The following TMTC2 variants were observed in gnomAD, a reference collection of about 807,000 sequenced individuals.
TMTC2 encodes protein O-mannosyl-transferase TMTC2.
Under a neutral mutation model 82.4 loss-of-function variants are expected in TMTC2, and 43 were observed. That is an observed-to-expected ratio of 0.52 (90% CI 0.41 to 0.67). The LOEUF (loss-of-function observed/expected upper bound fraction) is 0.67. TMTC2 is among the 30% of genes least tolerant of loss of function. The pLI is 0.00. For synonymous variants in TMTC2, 408 were observed against 381.9 expected, an observed-to-expected ratio of 1.07 and a Z score of -0.80; for missense variants, 919 against 1,012.4, an observed-to-expected ratio of 0.91 and a Z score of 1.25.
At chr12:82,809,306 T>A (rs1183202648) in intron 1 of TMTC2, among the ~76,000 whole-genome samples, 3 of 152,024 alleles carry the variant, frequency 2.0e-5, no homozygotes, top group Non-Finnish European at 4.4e-5. Context: ...GATCTTGCAT[T>A]GCATGTGATT....
At chr12:83,069,549 A>AT (rs1266138989) in intron 11 of TMTC2, among the ~76,000 whole-genome samples, 7 of 151,464 alleles carry the variant, frequency 4.6e-5, no homozygotes, top group Non-Finnish European at 1.5e-5. Context: ...GGATTGTTTG[A>AT]TTTTTTCTTA....
At chr12:82,694,424 A>G (rs1259007836) in intron 1 of TMTC2, among the ~76,000 whole-genome samples, 1 of 152,202 alleles carries the variant, frequency 6.6e-6, no homozygotes, top group Non-Finnish European at 1.5e-5. Flanking sequence ...CCTGTACCAC[A>G]TTGCTTGAGG....
intron 3 of TMTC2, among the ~76,000 whole-genome samples, chr12:82,907,016 T>C (rs1379305811): frequency 6.6e-6 from 1 of 152,238 alleles, no homozygotes; most frequent in African/African-American, 2.4e-5. Flanking sequence ...AGGTATCTCA[T>C]TGGCTGAACT....
intron 1 of TMTC2, among the ~76,000 whole-genome samples, chr12:82,769,252 C>A (rs1016949851): frequency 8.6e-5 from 13 of 151,902 alleles, no homozygotes; most frequent in African/African-American, 3.1e-4. Context: ...GCGGGTGAAA[C>A]ACCTTAGGTC....
chr12:82,972,848 G>C (rs1878509801), intron 7 of TMTC2, among the ~76,000 whole-genome samples: 1 of 152,122 alleles, frequency 6.6e-6, no homozygotes, highest in African/African-American at 2.4e-5. Context: ...TGTGTGGCTT[G>C]TGTTTAACTG....
In TMTC2 at chr12:83,090,683, A is replaced by G. The variant is rs535907645; in HGVS notation, c.2331+28852A>G. On this transcript the variant is annotated intron_variant, in intron 11 of 11. Coordinates refer to ENST00000321196, the MANE Select transcript of TMTC2 (RefSeq NM_152588.3). ...CATTGCCTTTGTATTGGCCCTTTCC[A>G]TGCTCCTACCATTGCACAGTTGCCT... 1.1e-4 allele frequency among the ~76,000 whole-genome samples: 17 copies of G among 152,042 alleles called. No individual in the cohort carries two copies. In the South Asian group the frequency reaches 3.3e-3, roughly 30 times the overall value.
At chr12:83,014,580 C>T (rs910813154) in intron 8 of TMTC2, among the ~76,000 whole-genome samples, 3 of 152,162 alleles carry the variant, frequency 2.0e-5, no homozygotes, top group Non-Finnish European at 4.4e-5. Context: ...TTCAAGTGAT[C>T]TGCCCCTCTC....
chr12:82,891,139 C>G (rs903018840), intron 2 of TMTC2, among the ~76,000 whole-genome samples: 2 of 152,096 alleles, frequency 1.3e-5, no homozygotes, highest in Non-Finnish European at 2.9e-5. Flanking sequence ...TAAAAATTTG[C>G]TAATTTGATT....
rs532281863 is a variant in TMTC2 at position 82,940,125 on chromosome 12, AT to A, written c.1598+9582del. 7.0e-5 allele frequency among the ~76,000 whole-genome samples: 10 copies of A among 142,682 alleles called. No homozygotes were observed. The South Asian group carries it at 2.2e-3, about 31-fold the overall frequency. 93.6% of individuals were successfully genotyped at this position (142,682 alleles called of 152,430 possible). ...AACCTCCGCCTCCCGCGTTCAAGCC[AT>A]TCTGCCTCAGCCTCCGGAGTAGCTG... On this transcript the variant is annotated intron_variant, in intron 4 of 11. Coordinates refer to ENST00000321196, the MANE Select transcript of TMTC2 (RefSeq NM_152588.3).
chr12:82,725,460 T>C (rs1874403438), intron 1 of TMTC2, among the ~76,000 whole-genome samples: 1 of 152,246 alleles, frequency 6.6e-6, no homozygotes, highest in Non-Finnish European at 1.5e-5. Context: ...ACAAGATTCT[T>C]ATTTCCATTA....
chr12:82,987,564 G>A (rs1245196716), intron 8 of TMTC2, among the ~76,000 whole-genome samples: 4 of 151,908 alleles, frequency 2.6e-5, no homozygotes, highest in Admixed American at 2.6e-4. Context: ...TGAGTAGTAA[G>A]AGAAGTTCCT....
At chr12:83,053,397 C>G (rs2137460392) in intron 10 of TMTC2, among the ~76,000 whole-genome samples, 1 of 152,022 alleles carries the variant, frequency 6.6e-6, no homozygotes, top group East Asian at 1.9e-4. Context: ...TATCCCAAAT[C>G]AGCAATTTAG....
Position 82,936,731 on chromosome 12 carries a change from A to G in TMTC2, c.1598+6186A>G, listed in dbSNP as rs184784563. Among the ~76,000 whole-genome samples, 209 of 152,306 alleles carry G rather than the reference A, an allele frequency of 1.4e-3. 1 individual carries two copies. Among genetic ancestry groups the G allele is most frequent in the African/African-American group, 4.8e-3 (201 of 41,578 alleles). On this transcript the variant is annotated intron_variant, in intron 4 of 11. Transcript: ENST00000321196. ...AAACTAGGAATAAATAAATAATTCTATATCATAATAAATATCTGTCAAAAG... is the reference window on the plus strand; with the variant it reads ...AAACTAGGAATAAATAAATAATTCTGTATCATAATAAATATCTGTCAAAAG...
intron 8 of TMTC2, among the ~76,000 whole-genome samples, chr12:83,010,005 G>A (rs1880383823): frequency 6.6e-6 from 1 of 152,120 alleles, no homozygotes; most frequent in Non-Finnish European, 1.5e-5. Context: ...TGTGAGTGAT[G>A]GGGAGCAGCT....
chr12:82,924,397 CT>C (rs982778669), intron 3 of TMTC2, among the ~76,000 whole-genome samples: 15 of 152,012 alleles, frequency 9.9e-5, no homozygotes, highest in African/African-American at 3.6e-4. Flanking sequence ...TGACGTTTTC[CT>C]TTTTTTGTGT....
In TMTC2 at chr12:82,687,514, T is replaced by C. The variant is rs1872373808; in HGVS notation, c.-73T>C. The C allele has an allele frequency of 7.0e-7, 1 of 1,426,014 alleles. No homozygotes were observed. Among genetic ancestry groups the C allele is most frequent in the Non-Finnish European group, 9.7e-7 (1 of 1,031,698 alleles). 88.3% of individuals were successfully genotyped at this position (1,426,014 alleles called of 1,614,324 possible). On this transcript the variant is annotated 5_prime_UTR_variant, in exon 1 of 12. Transcript: ENST00000321196. ...AGGAGAAGGCGGCGGAAGGTGGAGA[T>C]TGATGCTTCTGTTTTTTGTTGCCGC...
intron 3 of TMTC2, among the ~76,000 whole-genome samples, chr12:82,899,937 G>A (rs1002536215): frequency 2.5e-4 from 32 of 130,376 alleles, no homozygotes; most frequent in African/African-American, 8.6e-4. Flanking sequence ...ATGTAGGAAT[G>A]TATATACATA....
At chr12:83,005,272 T>C (rs1208004031) in intron 8 of TMTC2, among the ~76,000 whole-genome samples, 6 of 131,744 alleles carry the variant, frequency 4.6e-5, no homozygotes, top group Non-Finnish European at 9.3e-5. Flanking sequence ...GAGAATGCAA[T>C]GAGCCGAGAC....
At chr12:83,055,734 A>ATG (rs1269422085) in intron 10 of TMTC2, among the ~76,000 whole-genome samples, 1 of 136,802 alleles carries the variant, frequency 7.3e-6, no homozygotes, top group Admixed American at 7.2e-5. Context: ...GTGTGTGTGT[A>ATG]TGTGTGTGTG....
Sources: gnomAD v4.1 joint callset for allele counts (sites outside exome capture counted in the v4.1 genomes callset) on GRCh38, gnomAD v4.1.1 for gene constraint, MANE v1.5 for transcripts, NCBI Gene and HGNC (gene_info 2026-07-23, HGNC 2026-07-21) for gene names.